AGBL1: variants seen among roughly 807,000 people sequenced by gnomAD.
The protein encoded by AGBL1 is AGBL carboxypeptidase 1.
Under a neutral mutation model 118.9 loss-of-function variants are expected in AGBL1, and 130 were observed. The observed-to-expected ratio is 1.09, with a 90% CI of 0.95 to 1.26. The LOEUF (loss-of-function observed/expected upper bound fraction) is 1.26. AGBL1 is among the 50% of genes most tolerant of loss of function. AGBL1 has a pLI of 0.00. For missense variants in AGBL1, 1,584 were observed against 1,298.1 expected (o/e 1.22, Z -3.38); for synonymous variants, 555 against 478.9 (o/e 1.16, Z -2.08).
chr15:86,524,931 C>A (rs2083243027), intron 19 of AGBL1, among the ~76,000 whole-genome samples: 1 of 152,088 alleles, frequency 6.6e-6, no homozygotes, highest in Non-Finnish European at 1.5e-5. Context: ...AAATAAAGGG[C>A]ATCCAAATTG....
chr15:86,149,030 C>G (rs528240139), intron 3 of AGBL1, among the ~76,000 whole-genome samples: 1 of 152,266 alleles, frequency 6.6e-6, no homozygotes, highest in East Asian at 1.9e-4. Context: ...CCAAACTATG[C>G]TTCGTAAGCA....
intron 18 of AGBL1, among the ~76,000 whole-genome samples, chr15:86,511,284 T>C (rs1195543299): frequency 6.6e-6 from 1 of 152,034 alleles, no homozygotes; most frequent in Non-Finnish European, 1.5e-5. Context: ...ATTTTTAAAA[T>C]ATTAAGCAGT....
chr15:86,102,924 A>C (rs996343536), intron 1 of AGBL1, among the ~76,000 whole-genome samples: 2 of 151,926 alleles, frequency 1.3e-5, no homozygotes, highest in African/African-American at 4.8e-5. Context: ...TTCTATTTTA[A>C]TATTGCCTTC....
chr15:86,124,435 A>G (rs1386654593), intron 1 of AGBL1, among the ~76,000 whole-genome samples: 2 of 152,126 alleles, frequency 1.3e-5, no homozygotes, highest in Non-Finnish European at 2.9e-5. Flanking sequence ...TGACAAATGT[A>G]TCATGCTATT....
chr15:86,686,160 G>C (rs1427746629), intron 22 of AGBL1, among the ~76,000 whole-genome samples: 12 of 152,108 alleles, frequency 7.9e-5, no homozygotes. Context: ...TGATTTTTTA[G>C]GTCTACATGA....
intron 19 of AGBL1, among the ~76,000 whole-genome samples, chr15:86,541,162 A>G (rs1330166556): frequency 6.6e-6 from 1 of 152,206 alleles, no homozygotes; most frequent in Non-Finnish European, 1.5e-5. Flanking sequence ...AAAATTAGTG[A>G]TAGTAGAGGA....
At chr15:86,159,114 G>A in intron 5 of AGBL1, 88 bp downstream of exon 5, 1 of 1,252,632 alleles carries the variant, frequency 8.0e-7, no homozygotes, top group Non-Finnish European at 1.2e-6. Context: ...GATGCTTCCA[G>A]CTCAGTTTAG....
intron 22 of AGBL1, among the ~76,000 whole-genome samples, chr15:86,762,832 A>T (rs1441765792): frequency 6.6e-6 from 1 of 151,968 alleles, no homozygotes; most frequent in Non-Finnish European, 1.5e-5. Flanking sequence ...CTCCTTGTGG[A>T]ATATTTGTGG....
chr15:86,646,290 A>T (rs905421882), intron 21 of AGBL1, among the ~76,000 whole-genome samples: 1 of 152,152 alleles, frequency 6.6e-6, no homozygotes, highest in Non-Finnish European at 1.5e-5. Flanking sequence ...AACAACTCTA[A>T]GTGGAAGGCT....
At chr15:86,273,984 A>C (rs56121718) in intron 15 of AGBL1, among the ~76,000 whole-genome samples, 1 of 152,092 alleles carries the variant, frequency 6.6e-6, no homozygotes, top group Admixed American at 6.6e-5. Context: ...ATAGTCTCCA[A>C]ACTATTTTGA....
At chr15:86,756,930 C>T (rs2077950335) in intron 22 of AGBL1, among the ~76,000 whole-genome samples, 1 of 148,968 alleles carries the variant, frequency 6.7e-6, no homozygotes, top group Non-Finnish European at 1.5e-5. Context: ...AAATTTGAAT[C>T]CAATAAACAT....
chr15:86,594,859 C>T (rs924576094), intron 21 of AGBL1, among the ~76,000 whole-genome samples: 1 of 152,124 alleles, frequency 6.6e-6, no homozygotes, highest in Non-Finnish European at 1.5e-5. Flanking sequence ...TCTTTAAACC[C>T]ACTCTATTGA....
At chr15:86,124,924 A>AT (rs1898324216) in intron 1 of AGBL1, among the ~76,000 whole-genome samples, 1 of 152,218 alleles carries the variant, frequency 6.6e-6, no homozygotes, top group African/African-American at 2.4e-5. Context: ...TGATGTTAGA[A>AT]TGGTAGACTT....
chr15:86,855,912 G>T (rs1198627946), intron 22 of AGBL1, among the ~76,000 whole-genome samples: 1 of 152,202 alleles, frequency 6.6e-6, no homozygotes. Flanking sequence ...TGATGAGAGG[G>T]TCTGATTAGC....
intron 18 of AGBL1, among the ~76,000 whole-genome samples, chr15:86,486,801 T>A (rs933199840): frequency 6.6e-6 from 1 of 152,010 alleles, no homozygotes; most frequent in Non-Finnish European, 1.5e-5. Flanking sequence ...GACACTTGGG[T>A]CTCAGCTGTG....
intron 23 of AGBL1, among the ~76,000 whole-genome samples, chr15:86,949,284 T>G (rs1420354089): frequency 3.9e-5 from 6 of 152,180 alleles, no homozygotes; most frequent in Non-Finnish European, 2.9e-5. Flanking sequence ...TGAAATCTGT[T>G]TGAAGACATC....
chr15:86,200,999 A>G (rs932365895), intron 5 of AGBL1, among the ~76,000 whole-genome samples: 1 of 152,228 alleles, frequency 6.6e-6, no homozygotes, highest in African/African-American at 2.4e-5. Context: ...CAGTAAAAGT[A>G]CAAGGCATAT....
chr15:86,809,020 C>G (rs2078754674), intron 22 of AGBL1, among the ~76,000 whole-genome samples: 1 of 152,114 alleles, frequency 6.6e-6, no homozygotes, highest in African/African-American at 2.4e-5. Flanking sequence ...AAGTACTATT[C>G]TTTAGCAAAA....
intron 18 of AGBL1, among the ~76,000 whole-genome samples, chr15:86,502,887 A>G (rs1383184221): frequency 6.6e-6 from 1 of 151,370 alleles, no homozygotes; most frequent in Non-Finnish European, 1.5e-5. Flanking sequence ...CTTTTTTCCC[A>G]TGATATCTTT....
Sources: gnomAD v4.1 joint callset for allele counts (sites outside exome capture counted in the v4.1 genomes callset) on GRCh38, gnomAD v4.1.1 for gene constraint, MANE v1.5 for transcripts, NCBI Gene and HGNC (gene_info 2026-07-23, HGNC 2026-07-21) for gene names.